ARHGAP10: variants seen among roughly 807,000 people sequenced by gnomAD.
ARHGAP10 encodes rho GTPase-activating protein 10.
ARHGAP10 carries 87 observed loss-of-function variants against 108.6 expected under a neutral mutation model. That is an observed-to-expected ratio of 0.80 (90% CI 0.67 to 0.96). The LOEUF (loss-of-function observed/expected upper bound fraction) is 0.96, where lower values mean the gene tolerates loss of function less well. ARHGAP10 is among the 40% of genes least tolerant of loss of function. ARHGAP10 has a pLI of 0.00. For missense variants in ARHGAP10, 939 were observed against 954.5 expected (o/e 0.98, Z 0.21); for synonymous variants, 347 against 341.1 (o/e 1.02, Z -0.19).
chr4:147,759,190 TGTTA>T (rs1729497489), intron 1 of ARHGAP10, among the ~76,000 whole-genome samples: 1 of 152,186 alleles, frequency 6.6e-6, no homozygotes, highest in African/African-American at 2.4e-5. Context: ...TGTGTTACTT[TGTTA>T]AACTTCCACT....
chr4:148,036,774 T>TG (rs1301018257), intron 19 of ARHGAP10, among the ~76,000 whole-genome samples: 1 of 152,156 alleles, frequency 6.6e-6, no homozygotes, highest in East Asian at 1.9e-4. Context: ...TGTTAGGGGT[T>TG]GATTGGGTTT....
At chr4:147,984,126 G>C (rs771088837) in intron 18 of ARHGAP10, among the ~76,000 whole-genome samples, 17 of 152,124 alleles carry the variant, frequency 1.1e-4, no homozygotes, top group Non-Finnish European at 1.8e-4. Flanking sequence ...TTTGTTGCTT[G>C]TAGGGGTGTA....
chr4:147,789,633 A>C (rs1325112833), intron 1 of ARHGAP10, among the ~76,000 whole-genome samples: 2 of 152,236 alleles, frequency 1.3e-5, no homozygotes, highest in African/African-American at 4.8e-5. Flanking sequence ...TCTGATTTAG[A>C]AACTGAAGAC....
chr4:147,844,720 A>C (rs1255421209), intron 3 of ARHGAP10, among the ~76,000 whole-genome samples: 1 of 152,106 alleles, frequency 6.6e-6, no homozygotes, highest in Non-Finnish European at 1.5e-5. Flanking sequence ...ACCTGCAAAT[A>C]TCTCTCAAAT....
intron 5 of ARHGAP10, among the ~76,000 whole-genome samples, chr4:147,859,876 A>G (rs1016682859): frequency 2.6e-5 from 4 of 152,202 alleles, no homozygotes; most frequent in African/African-American, 7.2e-5. Flanking sequence ...AATTACATAC[A>G]CTTTTTAATC....
At chr4:148,071,351 C>T (rs1248097685) in intron 22 of ARHGAP10, among the ~76,000 whole-genome samples, 2 of 152,228 alleles carry the variant, frequency 1.3e-5, no homozygotes, top group East Asian at 1.9e-4. Context: ...AGTGGTGGCT[C>T]ACGCCTGTAA....
chr4:147,841,362 G>A (rs1034721139), intron 3 of ARHGAP10, among the ~76,000 whole-genome samples: 4 of 152,176 alleles, frequency 2.6e-5, no homozygotes, highest in Non-Finnish European at 5.9e-5. Flanking sequence ...ATCACATTCT[G>A]TACTTGTTCT....
chr4:147,981,652 T>G (rs1353460293), intron 18 of ARHGAP10, among the ~76,000 whole-genome samples: 1 of 152,246 alleles, frequency 6.6e-6, no homozygotes, highest in Non-Finnish European at 1.5e-5. Context: ...ATCAGTGAAG[T>G]GTTGAAGTCT....
chr4:147,775,964 A>C (rs1730272440), intron 1 of ARHGAP10, among the ~76,000 whole-genome samples: 1 of 152,232 alleles, frequency 6.6e-6, no homozygotes, highest in African/African-American at 2.4e-5. Context: ...AAGTTCCGTA[A>C]GCTGGCTATG....
At chr4:147,735,379 T>C (rs9996365) in intron 1 of ARHGAP10, among the ~76,000 whole-genome samples, 3,673 of 152,264 alleles carry the variant, frequency 0.024, 145 homozygotes, top group African/African-American at 0.084. Context: ...GGTTTGTATG[T>C]TAGAGTGGAG....
chr4:147,792,925 G>A (rs1047219207), intron 1 of ARHGAP10, among the ~76,000 whole-genome samples: 4 of 152,070 alleles, frequency 2.6e-5, no homozygotes, highest in Admixed American at 1.3e-4. Flanking sequence ...CGAGGCAGGC[G>A]GATCACTTGA....
intron 1 of ARHGAP10, among the ~76,000 whole-genome samples, chr4:147,735,714 G>T (rs1728388595): frequency 6.6e-6 from 1 of 152,158 alleles, no homozygotes; most frequent in African/African-American, 2.4e-5. Flanking sequence ...TAGCGCTAGG[G>T]GTGGGGAGGA....
At chr4:148,033,670 C>G (rs1411610134) in intron 19 of ARHGAP10, among the ~76,000 whole-genome samples, 1 of 152,116 alleles carries the variant, frequency 6.6e-6, no homozygotes, top group Non-Finnish European at 1.5e-5. Flanking sequence ...AACTCCGAAG[C>G]AAGCTGTGTT....
chr4:147,742,532 G>T (rs1471184573), intron 1 of ARHGAP10, among the ~76,000 whole-genome samples: 1 of 124,106 alleles, frequency 8.1e-6, no homozygotes, highest in Non-Finnish European at 1.6e-5. Context: ...AGCTCAGGCT[G>T]GAGTGCAATG....
chr4:147,939,080 A>C (rs1042104014), intron 13 of ARHGAP10, among the ~76,000 whole-genome samples: 4 of 152,192 alleles, frequency 2.6e-5, no homozygotes, highest in African/African-American at 9.6e-5. Flanking sequence ...TCTTACCCTT[A>C]ATGCTACTCA....
chr4:147,847,439 A>G (rs1733681728), intron 4 of ARHGAP10, among the ~76,000 whole-genome samples: 1 of 152,230 alleles, frequency 6.6e-6, no homozygotes, highest in Non-Finnish European at 1.5e-5. Context: ...TTCTTGGGCT[A>G]CACCTTTCCA....
chr4:147,767,125 A>G (rs979331216), intron 1 of ARHGAP10, among the ~76,000 whole-genome samples: 1 of 152,186 alleles, frequency 6.6e-6, no homozygotes, highest in South Asian at 2.1e-4. Flanking sequence ...TGCTGGGATT[A>G]CAGGTGTGAG....
At chr4:147,797,282 A>G (rs552222639) in intron 1 of ARHGAP10, among the ~76,000 whole-genome samples, 2 of 152,230 alleles carry the variant, frequency 1.3e-5, no homozygotes, top group South Asian at 4.1e-4. Context: ...ATGAAGATCC[A>G]ACCTCTTAGC....
chr4:147,788,664 A>G (rs1037506594), intron 1 of ARHGAP10, among the ~76,000 whole-genome samples: 1 of 152,146 alleles, frequency 6.6e-6, no homozygotes, highest in East Asian at 1.9e-4. Flanking sequence ...TAGAATTTGC[A>G]CAGTGGGTTA....
Sources: gnomAD v4.1 joint callset for allele counts (sites outside exome capture counted in the v4.1 genomes callset) on GRCh38, gnomAD v4.1.1 for gene constraint, MANE v1.5 for transcripts, NCBI Gene and HGNC (gene_info 2026-07-23, HGNC 2026-07-21) for gene names.